Variants in GRID2 observed in about 807,000 individuals in gnomAD.
GRID2 encodes glutamate receptor ionotropic, delta-2.
GRID2 carries 33 observed loss-of-function variants against 114.8 expected under a neutral mutation model. The ratio of observed to expected loss-of-function variants is 0.29; its 90% CI spans 0.22 to 0.38. The LOEUF (loss-of-function observed/expected upper bound fraction) is 0.38, where lower values mean the gene tolerates loss of function less well. Among genes scored for constraint, GRID2 ranks in the 10% least tolerant of loss-of-function variants. GRID2 has a pLI of 1.00. For missense variants in GRID2, 1,184 were observed against 1,257.7 expected, an observed-to-expected ratio of 0.94 and a Z score of 0.89; for synonymous variants, 505 against 449.9, an observed-to-expected ratio of 1.12 and a Z score of -1.55.
chr4:92,876,527 A>T (rs1745644228), intron 2 of GRID2, among the ~76,000 whole-genome samples: 1 of 152,084 alleles, frequency 6.6e-6, no homozygotes, highest in Non-Finnish European at 1.5e-5. Flanking sequence ...GATGATCTAG[A>T]TCTCCTAACC....
intron 2 of GRID2, among the ~76,000 whole-genome samples, chr4:92,654,190 A>G (rs1395035679): frequency 1.3e-5 from 2 of 152,008 alleles, no homozygotes; most frequent in Admixed American, 1.3e-4. Context: ...GGTTAAGGAA[A>G]TGGCAGATTC....
chr4:93,047,696 T>G (rs1182553222), intron 2 of GRID2, among the ~76,000 whole-genome samples: 3 of 152,034 alleles, frequency 2.0e-5, no homozygotes, highest in Admixed American at 2.0e-4. Context: ...AGTCCAGTGT[T>G]CCTGGAAGCA....
chr4:92,504,834 T>G (rs756164277), intron 1 of GRID2, among the ~76,000 whole-genome samples: 44 of 152,060 alleles, frequency 2.9e-4, no homozygotes, highest in Non-Finnish European at 5.9e-4. Flanking sequence ...AGAAAACATT[T>G]CATTTTGGGA....
At chr4:92,999,064 A>C (rs761630426) in intron 2 of GRID2, among the ~76,000 whole-genome samples, 1 of 151,846 alleles carries the variant, frequency 6.6e-6, no homozygotes, top group African/African-American at 2.4e-5. Context: ...GTTGCTCAAA[A>C]TTTAAGTGTG....
At chr4:92,445,774 T>C (rs1256285602) in intron 1 of GRID2, among the ~76,000 whole-genome samples, 1 of 152,222 alleles carries the variant, frequency 6.6e-6, no homozygotes, top group African/African-American at 2.4e-5. Context: ...TTGTAATTTA[T>C]TTATTGAATA....
At chr4:92,625,702 G>A (rs1003151816) in intron 2 of GRID2, among the ~76,000 whole-genome samples, 2 of 151,698 alleles carry the variant, frequency 1.3e-5, no homozygotes, top group Non-Finnish European at 2.9e-5. Context: ...CAATCAAGTG[G>A]GCTAATAAAT....
In GRID2 at chr4:92,722,834, A is replaced by G. The variant is rs566779207; in HGVS notation, c.244+132548A>G. On this transcript the variant is annotated intron_variant, in intron 2 of 15. Coordinates refer to ENST00000282020, the MANE Select transcript of GRID2 (RefSeq NM_001510.4). ...AGATCCAATACCCTTTCCCAATTGT[A>G]ACATAATGACCTGTTGATGATTATG... is the stretch of plus-strand genomic sequence containing the variant. Among the ~76,000 whole-genome samples, 156 of 152,252 alleles carry G rather than the reference A, an allele frequency of 1.0e-3. 1 individual carries two copies. Among genetic ancestry groups the G allele is most frequent in the African/African-American group, 3.7e-3 (154 of 41,576 alleles).
chr4:93,380,628 G>T (rs949919894), intron 8 of GRID2, among the ~76,000 whole-genome samples: 3 of 151,838 alleles, frequency 2.0e-5, no homozygotes, highest in Non-Finnish European at 4.4e-5. Context: ...AGATATAAAA[G>T]AAAGTCTTGA....
chr4:93,503,145 G>A (rs929580062), intron 12 of GRID2, among the ~76,000 whole-genome samples: 2 of 152,036 alleles, frequency 1.3e-5, no homozygotes, highest in Non-Finnish European at 2.9e-5. Context: ...ATCAGTCATT[G>A]TGGAGGACGT....
chr4:92,991,989 G>A (rs143361434), intron 2 of GRID2, among the ~76,000 whole-genome samples: 6 of 152,182 alleles, frequency 3.9e-5, no homozygotes, highest in Admixed American at 6.5e-5. Context: ...AGGTACATTG[G>A]CAAAGGTAAA....
At chr4:92,428,368 T>C (rs536228351) in intron 1 of GRID2, among the ~76,000 whole-genome samples, 1 of 152,296 alleles carries the variant, frequency 6.6e-6, no homozygotes, top group East Asian at 1.9e-4. Flanking sequence ...AATTCATCTT[T>C]AATTCTTATT....
chr4:93,219,348 G>C (rs1744614519), intron 6 of GRID2, among the ~76,000 whole-genome samples: 1 of 152,206 alleles, frequency 6.6e-6, no homozygotes, highest in South Asian at 2.1e-4. Context: ...TTCAATATCT[G>C]TGAACAAATA....
intron 13 of GRID2, among the ~76,000 whole-genome samples, chr4:93,517,531 C>A (rs886969763): frequency 6.6e-6 from 1 of 151,830 alleles, no homozygotes; most frequent in African/African-American, 2.4e-5. Context: ...TCTTTCAACC[C>A]AAATTAGAAA....
chr4:92,498,715 A>G (rs1359909426), intron 1 of GRID2, among the ~76,000 whole-genome samples: 1 of 151,904 alleles, frequency 6.6e-6, no homozygotes, highest in Non-Finnish European at 1.5e-5. Flanking sequence ...AGACTATTGT[A>G]TAAATTTACA....
Position 93,188,696 on chromosome 4 carries a change from CTTTAA to C in GRID2, c.736-18704_736-18700del, listed in dbSNP as rs753222877. 3.9e-4 allele frequency among the ~76,000 whole-genome samples: 59 copies of C among 152,238 alleles called. 1 individual carries two copies. The Middle Eastern group carries it at 0.01, about 26-fold the overall frequency. ...GCTTCCATTTTGATTATAATTTTTT[CTTTAA>C]TTTGTTTCTCTCTTCTTACATTTTA... On this transcript the variant is annotated intron_variant, in intron 4 of 15. Coordinates refer to ENST00000282020, the MANE Select transcript of GRID2 (RefSeq NM_001510.4).
intron 4 of GRID2, among the ~76,000 whole-genome samples, chr4:93,193,207 G>A (rs1333271631): frequency 1.3e-5 from 2 of 152,118 alleles, no homozygotes; most frequent in Non-Finnish European, 1.5e-5. Context: ...AATACAAGTA[G>A]CTCCCAGAAT....
intron 1 of GRID2, among the ~76,000 whole-genome samples, chr4:92,332,310 G>A (rs1560571866): frequency 6.6e-6 from 1 of 152,066 alleles, no homozygotes. Flanking sequence ...GAGAACAACA[G>A]ATTGAACTCA....
intron 14 of GRID2, among the ~76,000 whole-genome samples, chr4:93,709,170 C>A (rs1379334458): frequency 1.3e-5 from 2 of 152,044 alleles, no homozygotes; most frequent in African/African-American, 4.8e-5. Context: ...TGTGTACTTG[C>A]TATTACTAGG....
chr4:93,725,835 T>G (rs1729827792), intron 14 of GRID2, among the ~76,000 whole-genome samples: 1 of 152,080 alleles, frequency 6.6e-6, no homozygotes, highest in Non-Finnish European at 1.5e-5. Context: ...GGGTTGTTTG[T>G]TTTTTTCTTG....
Sources: allele counts gnomAD v4.1 joint callset (sites outside exome capture counted in the v4.1 genomes callset), GRCh38; gene constraint gnomAD v4.1.1; transcripts MANE v1.5; gene names NCBI Gene and HGNC (gene_info 2026-07-23, HGNC 2026-07-21).